CACNA1S: variants seen among roughly 807,000 people sequenced by gnomAD.
CACNA1S encodes calcium voltage-gated channel subunit alpha1 S, also known as voltage-dependent L-type calcium channel subunit alpha-1S.
Under a neutral mutation model 207.4 loss-of-function variants are expected in CACNA1S, and 126 were observed. That is an observed-to-expected ratio of 0.61 (90% CI 0.53 to 0.70). The LOEUF (loss-of-function observed/expected upper bound fraction) is 0.70. CACNA1S is among the 30% of genes least tolerant of loss of function. The probability of loss-of-function intolerance (pLI) is 0.00; values close to 1 mark genes in which losing one functional copy is unlikely to be tolerated. For missense variants in CACNA1S, 2,349 were observed against 2,422.8 expected (o/e 0.97, Z 0.64); for synonymous variants, 960 against 932.7 (o/e 1.03, Z -0.53).
chr1:201,043,260 G>C (rs1371912578), intron 40 of CACNA1S, 21 bp downstream of exon 40: 1 of 1,613,996 alleles, frequency 6.2e-7, no homozygotes. Context: ...TACACCCAGG[G>C]ATGGCAGTGG....
chr1:201,051,958 C>T (rs369665271), intron 32 of CACNA1S, among the ~76,000 whole-genome samples: 1 of 152,190 alleles, frequency 6.6e-6, no homozygotes, highest in African/African-American at 2.4e-5. Context: ...GCCTTTGACA[C>T]GCTGTGCCAA....
chr1:201,043,099 G>T, intron 40 of CACNA1S, 182 bp downstream of exon 40: 1 of 691,284 alleles, frequency 1.4e-6, no homozygotes, highest in Non-Finnish European at 2.5e-6. Flanking sequence ...CCCCCTGCTG[G>T]CCAAAGAAGC....
intron 17 of CACNA1S, 129 bp downstream of exon 17, chr1:201,070,143 C>T (rs1228931033): frequency 7.7e-6 from 8 of 1,041,216 alleles, no homozygotes; most frequent in Admixed American, 7.3e-5. Context: ...GGCACAAGAT[C>T]TTAAGCTAAA....
At chr1:201,041,168 G>A (rs1415208260) in intron 41 of CACNA1S, among the ~76,000 whole-genome samples, 4 of 152,188 alleles carry the variant, frequency 2.6e-5, no homozygotes, top group African/African-American at 9.7e-5. Flanking sequence ...TCCAGGGGCT[G>A]CCCTTCCAGG....
chr1:201,076,775 A>G (rs1661636527), intron 12 of CACNA1S, 145 bp downstream of exon 12: 7 of 778,502 alleles, frequency 9.0e-6, no homozygotes, highest in African/African-American at 1.7e-5. Context: ...CACAGGTGAT[A>G]GGGGAGCCCA....
intron 19 of CACNA1S, among the ~76,000 whole-genome samples, chr1:201,068,231 C>CTTTTTTTT (rs60151209): frequency 1.9e-4 from 9 of 46,958 alleles, no homozygotes; most frequent in African/African-American, 9.1e-4. Context: ...CGGCTCTGCT[C>CTTTTTTTT]TTTTTTTTTT....
chr1:201,056,331 T>C lies in CACNA1S; in HGVS notation c.3610-1770A>G, dbSNP rs904981219. On this transcript the variant is annotated intron_variant, in intron 28 of 43. Transcript: ENST00000362061. ...CTCCTTCCTCAGAGACTCCAGACTT[T>C]TCCTCAGCCATTCCTCTCACCCACA... Among the ~76,000 whole-genome samples, 3 of 152,176 alleles carry C rather than the reference T, an allele frequency of 2.0e-5. No individual in the cohort carries two copies. In the East Asian group the frequency reaches 5.8e-4, roughly 29 times the overall value.
At chr1:201,057,594 G>A (rs1660892206) in intron 28 of CACNA1S, among the ~76,000 whole-genome samples, 1 of 152,194 alleles carries the variant, frequency 6.6e-6, no homozygotes, top group South Asian at 2.1e-4. Flanking sequence ...AAATGAGTGA[G>A]TCTTCTAACT....
chr1:201,092,293 CT>C (rs1275170585), intron 3 of CACNA1S, among the ~76,000 whole-genome samples, 179 bp from the exon 4 acceptor site: 8 of 152,138 alleles, frequency 5.3e-5, no homozygotes, highest in African/African-American at 1.9e-4. Context: ...GGGAATTTCA[CT>C]TAAAAGGATT....
rs541398705 is a variant in CACNA1S, at chr1:201,056,723, T to C, written c.3609+1685A>G. 3.9e-5 allele frequency among the ~76,000 whole-genome samples: 6 copies of C among 152,250 alleles called. No homozygotes were observed. In the South Asian group the frequency reaches 1.2e-3, roughly 32 times the overall value. ...GCAGCAACCTTCAGCTACAGACCCC[T>C]GGCAAGGCAGCCTCTGGAGGGATCG... On this transcript the variant is annotated intron_variant, in intron 28 of 43. Transcript: ENST00000362061.
intron 14 of CACNA1S, 56 bp from the exon 15 acceptor site, chr1:201,073,698 G>T: frequency 7.3e-7 from 1 of 1,360,894 alleles, no homozygotes; most frequent in Non-Finnish European, 1.1e-6. Flanking sequence ...GGGATCTGCT[G>T]AACCTGACAA....
At position 201,053,189 on chromosome 1, in the gene CACNA1S, T is replaced by G. The variant is rs748473956; in HGVS notation, c.3861+20A>C. ...CTTGGCCAAGATCCATGCTTTGGCC[T>G]GGGCCCGCCTGCCTCTCACCTGCAT... On this transcript the variant is annotated intron_variant, in intron 31 of 43. Transcript: ENST00000362061. The surrounding 1 kb of genome is among the most constrained non-coding windows in gnomAD (Gnocchi z 5.1). The G allele has an allele frequency of 3.1e-6, 5 of 1,614,108 alleles. No homozygotes were observed. In the Admixed American group the frequency reaches 8.3e-5, roughly 27 times the overall value.
At chr1:201,085,317 G>C (rs1373171461) in intron 8 of CACNA1S, 119 bp downstream of exon 8, 1 of 1,394,136 alleles carries the variant, frequency 7.2e-7, no homozygotes, top group African/African-American at 1.4e-5. Context: ...CTTTAGGCAA[G>C]TCACTCACCC....
At chr1:201,100,307 C>G (rs989087335) in intron 2 of CACNA1S, among the ~76,000 whole-genome samples, 12 of 152,242 alleles carry the variant, frequency 7.9e-5, no homozygotes, top group Non-Finnish European at 1.5e-4. Flanking sequence ...GAGGCGTTGC[C>G]TGCTGTGACT....
At chr1:201,077,728 A>T in intron 11 of CACNA1S, 151 bp downstream of exon 11, 1 of 611,310 alleles carries the variant, frequency 1.6e-6, no homozygotes, top group Non-Finnish European at 3.0e-6. Flanking sequence ...TCACAGAAGG[A>T]GGTTATTTCA....
chr1:201,050,261 A>T, intron 34 of CACNA1S, 128 bp downstream of exon 34: 1 of 1,013,830 alleles, frequency 9.9e-7, no homozygotes, highest in South Asian at 1.3e-5. Flanking sequence ...CTGATCTGAG[A>T]CCTCAGATAA....
In CACNA1S at chr1:201,047,143, C is replaced by A. The variant is rs747054621; in HGVS notation, c.4640G>T (p.Arg1547Leu). 6.2e-7 allele frequency: 1 copy of A among 1,614,138 alleles called. No individual in the cohort carries two copies. Among genetic ancestry groups the A allele is most frequent in the East Asian group, 2.2e-5 (1 of 44,878 alleles). ...MKRQEEYYGY[R>L]PKKDIVQIQA... is the part of the protein sequence containing the mutation. Reference sequence around the variant, plus strand: ...GATCTGTACAATGTCCTTCTTGGGCCGATAGCCATAATACTCCTCTTGGCG... The same window carrying A: ...GATCTGTACAATGTCCTTCTTGGGCAGATAGCCATAATACTCCTCTTGGCG... Residue 1547 changes from arginine to leucine, a missense_variant, in exon 38 of 44, where the codon CGG (arginine) becomes CTG (leucine). Arg to Leu is a moderately radical substitution (Grantham distance 102). Coordinates refer to ENST00000362061, the MANE Select transcript of CACNA1S (RefSeq NM_000069.3).
At chr1:201,060,136 T>C (rs1228244058) in intron 26 of CACNA1S, among the ~76,000 whole-genome samples, 1 of 152,194 alleles carries the variant, frequency 6.6e-6, no homozygotes, top group African/African-American at 2.4e-5. Flanking sequence ...TGTCTTGGGC[T>C]TCTAGGAGCA....
chr1:201,087,683 T>TTCCTCCTCCTCCCTTCTC, intron 7 of CACNA1S, 143 bp downstream of exon 7: 1 of 675,234 alleles, frequency 1.5e-6, no homozygotes, highest in Non-Finnish European at 2.7e-6. Flanking sequence ...GCTCCACTCC[T>TTCCTCCTCCTCCCTTCTC]TCCTCCTCCT....
Sources: allele counts gnomAD v4.1 joint callset (sites outside exome capture counted in the v4.1 genomes callset), GRCh38; gene constraint gnomAD v4.1.1; non-coding constraint Gnocchi (gnomAD v3.1); transcripts MANE v1.5; gene names NCBI Gene and HGNC (gene_info 2026-07-23, HGNC 2026-07-21).